CSMD1: variants seen among roughly 807,000 people sequenced by gnomAD.
CSMD1 encodes CUB and Sushi multiple domains 1.
A neutral mutation model predicts 417.5 loss-of-function variants in CSMD1; 213 were observed. That is an observed-to-expected ratio of 0.51 (90% CI 0.46 to 0.57). The LOEUF (loss-of-function observed/expected upper bound fraction) is 0.57, where lower values mean the gene tolerates loss of function less well. Among genes scored for constraint, CSMD1 ranks in the 20% least tolerant of loss-of-function variants. The pLI, the probability that CSMD1 is intolerant of heterozygous loss-of-function variation, is 0.00. For synonymous variants in CSMD1, 2,862 were observed against 1,736.8 expected, an observed-to-expected ratio of 1.65 and a Z score of -16.11; for missense variants, 6,923 against 4,529.7, an observed-to-expected ratio of 1.53 and a Z score of -15.17.
At chr8:4,037,032 G>A (rs370986414) in intron 3 of CSMD1, among the ~76,000 whole-genome samples, 48 of 151,838 alleles carry the variant, frequency 3.2e-4, no homozygotes, top group African/African-American at 1.1e-3. Context: ...TCCAGGGCTG[G>A]TGACCACCTG....
At chr8:4,411,368 A>G (rs1796641905) in intron 3 of CSMD1, among the ~76,000 whole-genome samples, 1 of 152,146 alleles carries the variant, frequency 6.6e-6, no homozygotes, top group Admixed American at 6.5e-5. Context: ...CTTACATTAA[A>G]AAAAAATCAG....
intron 2 of CSMD1, among the ~76,000 whole-genome samples, chr8:4,453,169 C>T (rs1158213741): frequency 3.3e-5 from 5 of 151,178 alleles, no homozygotes; most frequent in African/African-American, 9.8e-5. Flanking sequence ...AAGCCCGTTC[C>T]CCCCTCCATC....
At chr8:4,873,636 C>A (rs1203230816) in intron 1 of CSMD1, among the ~76,000 whole-genome samples, 3 of 152,082 alleles carry the variant, frequency 2.0e-5, no homozygotes. Context: ...AATGTTCATT[C>A]CTCCATTCAA....
At chr8:3,505,980 G>C (rs913848523) in intron 10 of CSMD1, among the ~76,000 whole-genome samples, 2 of 152,124 alleles carry the variant, frequency 1.3e-5, no homozygotes, top group Non-Finnish European at 2.9e-5. Context: ...GGGTTGAGTG[G>C]ATAAAAATAC....
At chr8:4,534,339 G>C (rs888403250) in intron 2 of CSMD1, among the ~76,000 whole-genome samples, 1 of 152,172 alleles carries the variant, frequency 6.6e-6, no homozygotes. Flanking sequence ...GGCTTACTTT[G>C]AAGCAATTTT....
At chr8:3,392,665 T>A (rs1467972314) in intron 17 of CSMD1, among the ~76,000 whole-genome samples, 2 of 152,138 alleles carry the variant, frequency 1.3e-5, no homozygotes, top group Non-Finnish European at 2.9e-5. Flanking sequence ...CTCAGGATTC[T>A]GATTTTCATC....
At chr8:3,554,471 T>C (rs13268548) in intron 10 of CSMD1, among the ~76,000 whole-genome samples, 63,433 of 151,830 alleles carry the variant, frequency 0.42, 13,549 homozygotes, top group Non-Finnish European at 0.44. Context: ...ACACCCCACA[T>C]TGAGGGGAAG....
intron 5 of CSMD1, among the ~76,000 whole-genome samples, chr8:3,949,052 C>G (rs1207795472): frequency 2.0e-5 from 3 of 152,014 alleles, no homozygotes; most frequent in Admixed American, 6.6e-5. Flanking sequence ...TGTGATATTA[C>G]TGTTTTTAAA....
intron 33 of CSMD1, among the ~76,000 whole-genome samples, chr8:3,194,349 G>T (rs1181699396): frequency 6.6e-6 from 1 of 151,744 alleles, no homozygotes; most frequent in Non-Finnish European, 1.5e-5. Flanking sequence ...TACCCAAACT[G>T]AGAAAAAAAT....
chr8:4,715,695 T>A (rs777245159), intron 1 of CSMD1, among the ~76,000 whole-genome samples: 1 of 152,082 alleles, frequency 6.6e-6, no homozygotes, highest in Non-Finnish European at 1.5e-5. Context: ...CTTCTAGGCG[T>A]TCAACTCAAA....
rs181813168 is a variant in CSMD1, at chr8:4,419,990, G to A, written c.378C>T (p.Phe126=). 1.9e-4 allele frequency: 308 copies of A among 1,588,774 alleles called. No individual in the cohort carries two copies. In the African/African-American group the frequency reaches 2.9e-3, roughly 15 times the overall value. ...SILTLWFTTD[F]AVSAQGFKAL... ...CTTTGAAACCTTGGGCACTCACAGC[G>A]AAGTCTGTCGTGAACCACAGAGTGA... is the stretch of plus-strand genomic sequence containing the variant. Residue 126 remains phenylalanine, a synonymous_variant, in exon 3 of 70, where the codon TTC becomes TTT. Transcript: ENST00000635120.
intron 49 of CSMD1, among the ~76,000 whole-genome samples, chr8:3,062,634 T>A (rs187749886): frequency 9.6e-4 from 145 of 151,036 alleles, no homozygotes; most frequent in African/African-American, 3.2e-3. Flanking sequence ...CTTTAGATGT[T>A]CTAATCCTCT....
intron 1 of CSMD1, among the ~76,000 whole-genome samples, chr8:4,721,999 G>A (rs759560320): frequency 1.3e-5 from 2 of 152,138 alleles, no homozygotes; most frequent in African/African-American, 4.8e-5. Context: ...AAGAACGATG[G>A]TTATTGGAGT....
At chr8:3,144,282 CA>C (rs75661990) in intron 40 of CSMD1, among the ~76,000 whole-genome samples, 28,369 of 151,856 alleles carry the variant, frequency 0.19, 3,363 homozygotes, top group South Asian at 0.38. Context: ...TTTGGTATGC[CA>C]ATAGACTAGA....
intron 6 of CSMD1, among the ~76,000 whole-genome samples, chr8:3,726,141 G>A (rs983165472): frequency 4.6e-5 from 7 of 151,824 alleles, no homozygotes; most frequent in Non-Finnish European, 1.0e-4. Flanking sequence ...CAACAGCCAT[G>A]CAGGCACCGA....
At chr8:4,469,189 A>G (rs1035362539) in intron 2 of CSMD1, among the ~76,000 whole-genome samples, 1 of 152,164 alleles carries the variant, frequency 6.6e-6, no homozygotes, top group Non-Finnish European at 1.5e-5. Context: ...AGTGGCAGGG[A>G]CCTAGAAATT....
At chr8:3,491,095 A>G (rs1173969206) in intron 11 of CSMD1, among the ~76,000 whole-genome samples, 1 of 152,210 alleles carries the variant, frequency 6.6e-6, no homozygotes, top group Non-Finnish European at 1.5e-5. Flanking sequence ...GTCTACATAC[A>G]AAGATATTCA....
intron 46 of CSMD1, among the ~76,000 whole-genome samples, chr8:3,103,826 C>T (rs529234340): frequency 6.6e-6 from 1 of 152,242 alleles, no homozygotes; most frequent in Non-Finnish European, 1.5e-5. Context: ...TCACTGCAAC[C>T]TCTGCCTCCC....
chr8:4,406,143 T>C (rs1049963908), intron 3 of CSMD1, among the ~76,000 whole-genome samples: 1 of 152,210 alleles, frequency 6.6e-6, no homozygotes, highest in African/African-American at 2.4e-5. Context: ...GCAGTGAGCA[T>C]AATCGTGCAC....
Sources: allele counts gnomAD v4.1 joint callset (sites outside exome capture counted in the v4.1 genomes callset), GRCh38; gene constraint gnomAD v4.1.1; transcripts MANE v1.5; gene names NCBI Gene and HGNC (gene_info 2026-07-23, HGNC 2026-07-21).